The following MMGT1 variants were observed in gnomAD, a reference collection of about 807,000 sequenced individuals.
MMGT1 encodes ER membrane protein complex subunit 5.
MMGT1 carries 2 observed loss-of-function variants against 11.7 expected under a neutral mutation model. The ratio of observed to expected loss-of-function variants is 0.17; its 90% CI spans 0.07 to 0.54. The LOEUF is 0.54. Ranked by LOEUF, MMGT1 falls within the 20% of genes least tolerant of loss-of-function variation. The pLI, the probability that MMGT1 is intolerant of heterozygous loss-of-function variation, is 0.94. For missense variants in MMGT1, 74 were observed against 109.0 expected, an observed-to-expected ratio of 0.68 and a Z score of 1.43; for synonymous variants, 49 against 44.4, an observed-to-expected ratio of 1.10 and a Z score of -0.41.
At position 135,962,982 on chromosome X, in the gene MMGT1, A is replaced by C. The variant is rs1306231057; in HGVS notation, c.*2042T>G. 1.8e-5 allele frequency: 2 copies of C among 111,970 alleles called. No individual in the cohort carries two copies. The highest frequency in any genetic ancestry group is 6.5e-5 in the African/African-American group (2 of 30,798). 9.2% of individuals were successfully genotyped at this position (111,970 alleles called of 1,213,427 possible). A position where few individuals can be genotyped will look rare whatever the true frequency, so the allele number is the denominator to read the frequency against. ...AGCAATAAGAGTTCTCAAGATGAGA[A>C]GAATTTTCTCACTCCATATAGAAAA... On this transcript the variant is annotated 3_prime_UTR_variant, in exon 4 of 4. Transcript: ENST00000305963.
rs10679302 is a variant in MMGT1, at chrX:135,969,144, A to ATGTGTGTG, written c.133-1659_133-1652dup. On this transcript the variant is annotated intron_variant, in intron 2 of 3. Transcript: ENST00000305963. ...CTTTAAAATAGACATAAATATGTGT[A>ATGTGTGTG]TGTGTGTGTGTGTGTGTGTGTGTGT... Among the ~76,000 whole-genome samples, 516 of 100,907 alleles carry ATGTGTGTG rather than the reference A, an allele frequency of 5.1e-3. 4 individuals are homozygous for ATGTGTGTG. Among genetic ancestry groups the ATGTGTGTG allele is most frequent in the Middle Eastern group, 9.9e-3 (2 of 202 alleles). 87.6% of individuals were successfully genotyped at this position (100,907 alleles called of 115,157 possible). A position where few individuals can be genotyped will look rare whatever the true frequency, so the allele number is the denominator to read the frequency against.
intron 2 of MMGT1, among the ~76,000 whole-genome samples, chrX:135,969,824 A>G (rs1413536895): frequency 8.9e-6 from 1 of 112,291 alleles, no homozygotes; most frequent in African/African-American, 3.2e-5. Context: ...CTACACATAC[A>G]TAATGCTGTT....
chrX:135,969,040 G>C (rs1205014236), intron 2 of MMGT1, among the ~76,000 whole-genome samples: 1 of 111,197 alleles, frequency 9.0e-6, no homozygotes. Flanking sequence ...TTCCAAAGAG[G>C]TTGAGCGAGC....
At position 135,972,514 on chromosome X, in the gene MMGT1, C is replaced by T. The variant is rs782811432; in HGVS notation, c.79+1083G>A. Among the ~76,000 whole-genome samples the T allele has an allele frequency of 3.6e-5, 4 of 111,994 alleles. No individual in the cohort carries two copies. In the South Asian group the frequency reaches 1.1e-3, roughly 31 times the overall value. ...TAGCTTGCTAGTTTGCATGAAGCCT[C>T]GCCTGCTTCTAACACTACCTTTAAC... On this transcript the variant is annotated intron_variant, in intron 1 of 3. Transcript: ENST00000305963.
Position 135,967,497 on chromosome X carries a change from T to C in MMGT1, c.133-4A>G. 9.6e-7 allele frequency: 1 copy of C among 1,045,364 alleles called. No individual in the cohort carries two copies. The highest frequency in any genetic ancestry group is 1.3e-6 in the Non-Finnish European group (1 of 759,792). The allele number at this position is 1,045,364 out of a possible 1,213,427, so 86.1% of individuals were successfully genotyped here. ...CCAGAAGTGTCTGAAGAACTATCTGTGAGTATAAAGATTGATAATACTAAA... is the reference window on the plus strand; with the variant it reads ...CCAGAAGTGTCTGAAGAACTATCTGCGAGTATAAAGATTGATAATACTAAA... On this transcript the variant is annotated splice_region_variant and splice_polypyrimidine_tract_variant and intron_variant, in intron 2 of 3. Transcript: ENST00000305963.
At chrX:135,970,173 T>C (rs1556612455) in intron 2 of MMGT1, among the ~76,000 whole-genome samples, 2 of 110,625 alleles carry the variant, frequency 1.8e-5, no homozygotes, top group African/African-American at 6.6e-5. Flanking sequence ...GAGACTAGCC[T>C]GGCCAACACA....
chrX:135,965,156 T>C lies in MMGT1; in HGVS notation c.264A>G (p.Pro88=). ...NKTFDTLRNH[P]SFYVFNHRGR... is the part of the protein sequence containing the mutation. The stretch of plus-strand genomic sequence containing the variant: ...CACGATGATTAAATACATAAAAGGA[T>C]GGGTGATTCCTTAACGTATCAAATG... Residue 88 remains proline, a synonymous_variant, in exon 4 of 4, where the codon CCA becomes CCG. Transcript: ENST00000305963. 4 of 1,208,050 alleles carry C rather than the reference T, an allele frequency of 3.3e-6. No homozygotes were observed. The highest frequency in any genetic ancestry group is 1.8e-5 in the South Asian group (1 of 56,613).
In MMGT1 at chrX:135,961,716, A is replaced by G. The variant is rs1019295118; in HGVS notation, c.*3308T>C. 5.4e-5 allele frequency among the ~76,000 whole-genome samples: 6 copies of G among 111,788 alleles called. No homozygotes were observed. Among genetic ancestry groups the G allele is most frequent in the Non-Finnish European group, 9.4e-5 (5 of 53,177 alleles). ...TATTTGCTTCCTTGATGCTTTAATCATAACGATTTCCTATTAAGTATAAAG... is the reference window on the plus strand; with the variant it reads ...TATTTGCTTCCTTGATGCTTTAATCGTAACGATTTCCTATTAAGTATAAAG... On this transcript the variant is annotated 3_prime_UTR_variant, in exon 4 of 4. Transcript: ENST00000305963.
Position 135,969,540 on chromosome X carries a change from G to A in MMGT1, c.132+1518C>T, listed in dbSNP as rs1207868801. Among the ~76,000 whole-genome samples, 17 of 110,871 alleles carry A rather than the reference G, an allele frequency of 1.5e-4. 1 individual carries two copies. Among genetic ancestry groups the A allele is most frequent in the Admixed American group, 1.3e-3 (14 of 10,396 alleles). ...TTTTTAGTAGAGACGGGGTTTCACC[G>A]TGTTAGCCAGGATGGTCTTGATCTC... On this transcript the variant is annotated intron_variant, in intron 2 of 3. Transcript: ENST00000305963.
In MMGT1 at chrX:135,960,903, T is replaced by A. The variant is rs920669327; in HGVS notation, c.*4121A>T. Among the ~76,000 whole-genome samples, 3 of 112,122 alleles carry A rather than the reference T, an allele frequency of 2.7e-5. No individual in the cohort carries two copies. Among genetic ancestry groups the A allele is most frequent in the Non-Finnish European group, 5.6e-5 (3 of 53,166 alleles). On this transcript the variant is annotated 3_prime_UTR_variant, in exon 4 of 4. Coordinates refer to ENST00000305963, the MANE Select transcript of MMGT1 (RefSeq NM_173470.3). ...TTCATTAAAATGCATTAGAACTTCA[T>A]TAAAACGCAAGATACCATTTATTCA...
At chrX:135,970,910 A>AAAGAG in intron 2 of MMGT1, 148 bp downstream of exon 2, 1 of 416,269 alleles carries the variant, frequency 2.4e-6, no homozygotes, top group East Asian at 4.0e-5. Context: ...CTCCGTCTCA[A>AAAGAG]AAGAGAAAAG....
Position 135,973,800 on chromosome X carries a change from T to C in MMGT1, c.-125A>G. On this transcript the variant is annotated 5_prime_UTR_variant, in exon 1 of 4. Transcript: ENST00000305963. ...ACTGAAGTCCTGAGCGCAAAGTGTC[T>C]CAGTGGTGGAAAAGCCAGAGGGCTG... is the stretch of plus-strand genomic sequence containing the variant. 1 of 1,163,736 alleles carries C rather than the reference T, an allele frequency of 8.6e-7. No individual in the cohort carries two copies. Among genetic ancestry groups the C allele is most frequent in the South Asian group, 1.9e-5 (1 of 52,379 alleles).
At chrX:135,970,819 G>A (rs781948564) in intron 2 of MMGT1, among the ~76,000 whole-genome samples, 1 of 112,111 alleles carries the variant, frequency 8.9e-6, no homozygotes, top group Admixed American at 9.4e-5. Flanking sequence ...TGTGGCAGGA[G>A]AATGGTGTGA....
rs1220187772 is a variant in MMGT1 at position 135,961,535 on chromosome X, GC to G, written c.*3488del. Among the ~76,000 whole-genome samples the G allele has an allele frequency of 1.8e-5, 2 of 110,905 alleles. No homozygotes were observed. Among genetic ancestry groups the G allele is most frequent in the Non-Finnish European group, 3.8e-5 (2 of 52,932 alleles). ...GCCATGTGCATACATCATCTTTCTT[GC>G]CCCCACTCCCCTTTCTAAGAACACT... On this transcript the variant is annotated 3_prime_UTR_variant, in exon 4 of 4. Transcript: ENST00000305963.
chrX:135,965,187 G>C lies in MMGT1; in HGVS notation c.237-4C>G. ...ATTCCTTAACGTATCAAATGTCCTT[G>C]AAAGAAGAAAAAAGCATCAATTTTA... On this transcript the variant is annotated splice_region_variant and splice_polypyrimidine_tract_variant and intron_variant, in intron 3 of 3. Coordinates refer to ENST00000305963, the MANE Select transcript of MMGT1 (RefSeq NM_173470.3). 8.4e-7 allele frequency: 1 copy of C among 1,185,914 alleles called. No individual in the cohort carries two copies. The highest frequency in any genetic ancestry group is 1.1e-6 in the Non-Finnish European group (1 of 877,839).
At position 135,964,968 on chromosome X, in the gene MMGT1, C is replaced by G; in HGVS notation, c.*56G>C. The G allele has an allele frequency of 9.1e-7, 1 of 1,097,854 alleles. No homozygotes were observed. The allele number at this position is 1,097,854 out of a possible 1,213,427, so 90.5% of individuals were successfully genotyped here. A position where few individuals can be genotyped will look rare whatever the true frequency, so the allele number is the denominator to read the frequency against. On this transcript the variant is annotated 3_prime_UTR_variant, in exon 4 of 4. Transcript: ENST00000305963. ...GGGCAGGGAGGAGTGTTTTATACCC[C>G]AAACTCCAATATTCCAGCTCTGTGT...
At chrX:135,967,950 C>T (rs2089195635) in intron 2 of MMGT1, among the ~76,000 whole-genome samples, 1 of 111,147 alleles carries the variant, frequency 9.0e-6, no homozygotes, top group African/African-American at 3.3e-5. Context: ...CTCCACCTCC[C>T]GGGTTCAAGC....
At position 135,961,469 on chromosome X, in the gene MMGT1, G is replaced by A. The variant is rs1162930921; in HGVS notation, c.*3555C>T. 9.0e-6 allele frequency among the ~76,000 whole-genome samples: 1 copy of A among 111,239 alleles called. No homozygotes were observed. The highest frequency in any genetic ancestry group is 1.9e-5 in the Non-Finnish European group (1 of 52,995). On this transcript the variant is annotated 3_prime_UTR_variant, in exon 4 of 4. Coordinates refer to ENST00000305963, the MANE Select transcript of MMGT1 (RefSeq NM_173470.3). ...GAGGAGTATTAGGGTAGGAGGGAAG[G>A]GACCAAGTTTTTATACCTTTCTGTA...
chrX:135,968,555 G>A (rs1234310519), intron 2 of MMGT1, among the ~76,000 whole-genome samples: 1 of 75,866 alleles, frequency 1.3e-5, no homozygotes, highest in African/African-American at 5.2e-5. Context: ...TTTTTGAGAT[G>A]GAGTCTTGCT....
Sources: allele counts gnomAD v4.1 joint callset (sites outside exome capture counted in the v4.1 genomes callset), GRCh38; gene constraint gnomAD v4.1.1; transcripts MANE v1.5; gene names NCBI Gene and HGNC (gene_info 2026-07-23, HGNC 2026-07-21).